CREBL2: variants seen among roughly 807,000 people sequenced by gnomAD.
CREBL2 encodes the protein cAMP-responsive element-binding protein-like 2.
CREBL2 carries 4 observed loss-of-function variants against 19.5 expected under a neutral mutation model. The ratio of observed to expected loss-of-function variants is 0.20; its 90% CI spans 0.10 to 0.47. The LOEUF (loss-of-function observed/expected upper bound fraction) is 0.47. Ranked by LOEUF, CREBL2 falls within the 20% of genes least tolerant of loss-of-function variation. The pLI is 0.98. For synonymous variants in CREBL2, 42 were observed against 46.6 expected (o/e 0.90, Z 0.40); for missense variants, 85 against 145.1 (o/e 0.59, Z 2.13).
intron 1 of CREBL2, among the ~76,000 whole-genome samples, chr12:12,617,640 A>ATTTTTTTTTTTT (rs1592237146): frequency 6.1e-5 from 1 of 16,496 alleles, no homozygotes; most frequent in Non-Finnish European, 1.9e-4. Context: ...CATTTTAGTA[A>ATTTTTTTTTTTT]TTCTTTTTTT....
rs1330634085 is a variant in CREBL2 at position 12,613,981 on chromosome 12, CTTTTTTTTCTT to C, written c.15+1803_15+1813del. ...GGGACATCACACTTCTTTCTTTTTT[CTTTTTTTTCTT>C]TTTTTTTTTTTTTTTTTTGAGACGG... On this transcript the variant is annotated intron_variant, in intron 1 of 3. Transcript: ENST00000228865. 2.2e-4 allele frequency among the ~76,000 whole-genome samples: 21 copies of C among 93,364 alleles called. No homozygotes were observed. The South Asian group carries it at 4.3e-3, about 19-fold the overall frequency. 61.3% of individuals were successfully genotyped at this position (93,364 alleles called of 152,430 possible).
At chr12:12,638,123 A>G (rs1366155713) in intron 3 of CREBL2, among the ~76,000 whole-genome samples, 1 of 152,042 alleles carries the variant, frequency 6.6e-6, no homozygotes, top group Non-Finnish European at 1.5e-5. Flanking sequence ...GCCATTTTTA[A>G]TACACTAATA....
At chr12:12,641,656 T>C (rs984948117) in intron 3 of CREBL2, among the ~76,000 whole-genome samples, 2 of 152,112 alleles carry the variant, frequency 1.3e-5, no homozygotes, top group African/African-American at 4.8e-5. Context: ...ATTGAAGAAA[T>C]CGGCTTTTTG....
At chr12:12,641,262 T>A (rs1262364589) in intron 3 of CREBL2, among the ~76,000 whole-genome samples, 2,044 of 106,792 alleles carry the variant, frequency 0.019, 82 homozygotes, top group African/African-American at 0.074. Flanking sequence ...TATTTTTTTT[T>A]ATTTTTTTTT....
intron 1 of CREBL2, among the ~76,000 whole-genome samples, chr12:12,627,929 G>A (rs1945414860): frequency 6.6e-6 from 1 of 152,130 alleles, no homozygotes; most frequent in Non-Finnish European, 1.5e-5. Context: ...TTTGTTGCCA[G>A]GATGGAGTGG....
intron 1 of CREBL2, among the ~76,000 whole-genome samples, chr12:12,635,354 G>A (rs527653339): frequency 1.3e-5 from 2 of 148,310 alleles, no homozygotes; most frequent in African/African-American, 5.0e-5. Flanking sequence ...GAGTGACAGA[G>A]TGAGACCCTG....
intron 1 of CREBL2, among the ~76,000 whole-genome samples, chr12:12,627,710 C>T (rs1945413170): frequency 6.6e-6 from 1 of 152,116 alleles, no homozygotes; most frequent in Admixed American, 6.5e-5. Flanking sequence ...TAATGTGGAC[C>T]TATGTTTTCC....
At chr12:12,639,666 T>C (rs555884395) in intron 3 of CREBL2, among the ~76,000 whole-genome samples, 16 of 152,304 alleles carry the variant, frequency 1.1e-4, no homozygotes, top group East Asian at 7.7e-4. Flanking sequence ...AACAGTTCTA[T>C]TGGGGGAACC....
intron 1 of CREBL2, chr12:12,616,034 T>G (rs1412195741): frequency 6.6e-6 from 1 of 152,226 alleles, no homozygotes; most frequent in East Asian, 1.9e-4. Context: ...GTATCTATTA[T>G]CTTGATGAGA....
At chr12:12,612,964 C>T (rs1393696050) in intron 1 of CREBL2, among the ~76,000 whole-genome samples, 4 of 152,124 alleles carry the variant, frequency 2.6e-5, no homozygotes, top group Non-Finnish European at 5.9e-5. Flanking sequence ...CTCCGCCTCC[C>T]GGGTTCAAGC....
chr12:12,618,290 C>T (rs1234346897), intron 1 of CREBL2, among the ~76,000 whole-genome samples: 2 of 149,376 alleles, frequency 1.3e-5, no homozygotes, highest in Admixed American at 6.6e-5. Flanking sequence ...GGCTGCCGGG[C>T]GGAGGGGCTC....
intron 2 of CREBL2, among the ~76,000 whole-genome samples, chr12:12,637,018 G>T (rs1945480236): frequency 6.6e-6 from 1 of 152,126 alleles, no homozygotes; most frequent in Admixed American, 6.5e-5. Context: ...TTGATATGTT[G>T]AATGTGACAT....
rs1945551325 is a variant in CREBL2, at chr12:12,644,693, A to G, written c.*2695A>G. The G allele has an allele frequency of 6.6e-6, 1 of 152,660 alleles. No individual in the cohort carries two copies. The highest frequency in any genetic ancestry group is 1.5e-5 in the Non-Finnish European group (1 of 68,050). The allele number at this position is 152,660 out of a possible 1,614,324, so 9.5% of individuals were successfully genotyped here. On this transcript the variant is annotated 3_prime_UTR_variant, in exon 4 of 4. Coordinates refer to ENST00000228865, the MANE Select transcript of CREBL2 (RefSeq NM_001310.4). ...CCATTATATCTAAATTAGAATGATC[A>G]TCCTGCGCAAATTCAGATTACTGTT... is the stretch of plus-strand genomic sequence containing the variant.
In CREBL2 at chr12:12,638,153, G is replaced by C. The variant is rs115163478; in HGVS notation, c.358+439G>C. 1.0e-2 allele frequency among the ~76,000 whole-genome samples: 1,517 copies of C among 151,718 alleles called. 21 individuals are homozygous for C. The highest frequency in any genetic ancestry group is 0.035 in the African/African-American group (1,430 of 41,368). On this transcript the variant is annotated intron_variant, in intron 3 of 3. Coordinates refer to ENST00000228865, the MANE Select transcript of CREBL2 (RefSeq NM_001310.4). The stretch of plus-strand genomic sequence containing the variant: ...CTAATAAGCAAATGAAATGGCATTA[G>C]ATTCTGGCCAGGTGTGGTGGCTTAT...
At chr12:12,613,985 T>C (rs895135192) in intron 1 of CREBL2, among the ~76,000 whole-genome samples, 1 of 121,034 alleles carries the variant, frequency 8.3e-6, no homozygotes, top group African/African-American at 3.1e-5. Context: ...TTTTTTCTTT[T>C]TTTTCTTTTT....
At chr12:12,640,890 A>G (rs905546958) in intron 3 of CREBL2, among the ~76,000 whole-genome samples, 3 of 152,078 alleles carry the variant, frequency 2.0e-5, no homozygotes, top group Non-Finnish European at 2.9e-5. Flanking sequence ...GTGAAGTCCA[A>G]TTTATCTATT....
intron 1 of CREBL2, chr12:12,615,309 C>T (rs1945301795): frequency 6.6e-6 from 1 of 152,124 alleles, no homozygotes. Context: ...ACCTCGGCCT[C>T]CCAGAGTGCT....
At chr12:12,639,544 A>T (rs1409318179) in intron 3 of CREBL2, among the ~76,000 whole-genome samples, 2 of 152,224 alleles carry the variant, frequency 1.3e-5, no homozygotes, top group Non-Finnish European at 2.9e-5. Context: ...CCTAATGCCT[A>T]ATGATGCTGA....
intron 1 of CREBL2, among the ~76,000 whole-genome samples, chr12:12,626,402 T>A (rs1945402163): frequency 6.6e-6 from 1 of 152,196 alleles, no homozygotes; most frequent in Non-Finnish European, 1.5e-5. Flanking sequence ...TTCTCAACCT[T>A]AAAACTCATG....
Sources: allele counts gnomAD v4.1 joint callset (sites outside exome capture counted in the v4.1 genomes callset), GRCh38; gene constraint gnomAD v4.1.1; transcripts MANE v1.5; gene names NCBI Gene and HGNC (gene_info 2026-07-23, HGNC 2026-07-21).